Variants in ANKRD30BL observed in about 807,000 individuals in gnomAD.
The protein encoded by ANKRD30BL is ankyrin repeat domain 30B like, also known as putative ankyrin repeat domain-containing protein 30B-like.
In ANKRD30BL, 20 loss-of-function variants were observed where a neutral mutation model predicts 18.4. The ratio of observed to expected loss-of-function variants is 1.09; its 90% CI spans 0.77 to 1.58. The LOEUF (loss-of-function observed/expected upper bound fraction) is 1.58. Ranked by LOEUF, ANKRD30BL falls within the 40% of genes most tolerant of loss-of-function variation. The pLI is 0.00. For synonymous variants in ANKRD30BL, 72 were observed against 100.9 expected, an observed-to-expected ratio of 0.71 and a Z score of 1.72; for missense variants, 224 against 268.6, an observed-to-expected ratio of 0.83 and a Z score of 1.16.
At chr2:132,256,089 T>A (rs1680826547) in intron 1 of ANKRD30BL, among the ~76,000 whole-genome samples, 1 of 152,240 alleles carries the variant, frequency 6.6e-6, no homozygotes, top group Non-Finnish European at 1.5e-5. Context: ...GAACCATAAC[T>A]GATTTAATGA....
chr2:132,222,832 T>TAAAAAAAAAAAAAAAAA (rs71001178), intron 1 of ANKRD30BL, among the ~76,000 whole-genome samples: 2 of 52,806 alleles, frequency 3.8e-5, no homozygotes, highest in African/African-American at 1.0e-4. Context: ...GAATGATCAA[T>TAAAAAAAAAAAAAAAAA]AAAAAAAAAA....
intron 3 of ANKRD30BL, chr2:132,156,300 TA>T (rs777648771): frequency 1.2e-4 from 18 of 152,182 alleles, no homozygotes; most frequent in African/African-American, 2.9e-4. Context: ...AATCATCATT[TA>T]AAAAATATTC....
intron 1 of ANKRD30BL, among the ~76,000 whole-genome samples, chr2:132,240,570 T>C (rs1680288357): frequency 6.6e-6 from 1 of 151,854 alleles, no homozygotes; most frequent in Non-Finnish European, 1.5e-5. Flanking sequence ...GAACTTTTCT[T>C]TTGATAGAGC....
intron 1 of ANKRD30BL, among the ~76,000 whole-genome samples, chr2:132,208,221 A>C (rs1164337064): frequency 6.6e-6 from 1 of 152,144 alleles, no homozygotes; most frequent in Non-Finnish European, 1.5e-5. Context: ...ATCCTTCTTA[A>C]CATTTGCATT....
chr2:132,235,712 T>G (rs1573874899), intron 1 of ANKRD30BL, among the ~76,000 whole-genome samples: 1 of 152,190 alleles, frequency 6.6e-6, no homozygotes, highest in Middle Eastern at 3.4e-3. Flanking sequence ...TGGAAGAACA[T>G]TCCATGCTCA....
At chr2:132,176,468 G>A (rs1487200405) in intron 1 of ANKRD30BL, among the ~76,000 whole-genome samples, 4 of 152,040 alleles carry the variant, frequency 2.6e-5, no homozygotes, top group Non-Finnish European at 5.9e-5. Context: ...GTGGGTAGCC[G>A]GGCATGGTGG....
chr2:132,222,317 G>GCC (rs1679714489), intron 1 of ANKRD30BL, among the ~76,000 whole-genome samples: 2 of 152,076 alleles, frequency 1.3e-5, no homozygotes, highest in African/African-American at 2.4e-5. Context: ...GCCCGGCCAT[G>GCC]ACCCCGTCTG....
intron 1 of ANKRD30BL, among the ~76,000 whole-genome samples, chr2:132,246,021 A>G (rs1680489534): frequency 6.6e-6 from 1 of 151,988 alleles, no homozygotes; most frequent in East Asian, 1.9e-4. Context: ...TCCAACTCAC[A>G]GAGTTGAACC....
At chr2:132,151,882 G>T (rs1687767037) in intron 4 of ANKRD30BL, among the ~76,000 whole-genome samples, 1 of 152,068 alleles carries the variant, frequency 6.6e-6, no homozygotes, top group Non-Finnish European at 1.5e-5. Context: ...ATCTGGCTTG[G>T]ACTACTACTA....
At chr2:132,191,697 T>C (rs1463168691) in intron 1 of ANKRD30BL, among the ~76,000 whole-genome samples, 1 of 152,026 alleles carries the variant, frequency 6.6e-6, no homozygotes, top group African/African-American at 2.4e-5. Context: ...CTCTTACCCA[T>C]TTTGTTATTG....
intron 1 of ANKRD30BL, among the ~76,000 whole-genome samples, chr2:132,182,086 C>T (rs1432150612): frequency 2.0e-5 from 3 of 151,252 alleles, no homozygotes; most frequent in Non-Finnish European, 4.4e-5. Context: ...TGCACTCTAG[C>T]CTGGGCAACA....
At chr2:132,176,224 C>T (rs1286806943) in intron 1 of ANKRD30BL, among the ~76,000 whole-genome samples, 1 of 151,408 alleles carries the variant, frequency 6.6e-6, no homozygotes, top group African/African-American at 2.4e-5. Context: ...TGAAACCTCA[C>T]CTCTATTAAA....
At chr2:132,183,214 C>A (rs1369838081) in intron 1 of ANKRD30BL, among the ~76,000 whole-genome samples, 2 of 151,314 alleles carry the variant, frequency 1.3e-5, no homozygotes, top group African/African-American at 2.4e-5. Flanking sequence ...TCGTTGTGAC[C>A]TTTACCTCCC....
At chr2:132,167,739 G>C (rs1284462787) in intron 1 of ANKRD30BL, among the ~76,000 whole-genome samples, 3 of 152,064 alleles carry the variant, frequency 2.0e-5, no homozygotes, top group Non-Finnish European at 4.4e-5. Flanking sequence ...TCTTAGGATT[G>C]ATTATATGCA....
At chr2:132,178,526 G>T (rs1428900398) in intron 1 of ANKRD30BL, among the ~76,000 whole-genome samples, 3 of 152,154 alleles carry the variant, frequency 2.0e-5, no homozygotes, top group Admixed American at 1.3e-4. Flanking sequence ...GAACATGGAA[G>T]AAAATTGTGG....
At chr2:132,220,687 G>A (rs982978194) in intron 1 of ANKRD30BL, among the ~76,000 whole-genome samples, 2 of 152,170 alleles carry the variant, frequency 1.3e-5, no homozygotes, top group African/African-American at 4.8e-5. Context: ...CAAGGCTGGA[G>A]TGCAGTGGCG....
intron 1 of ANKRD30BL, among the ~76,000 whole-genome samples, chr2:132,247,128 T>C (rs1174366323): frequency 2.0e-5 from 3 of 151,630 alleles, no homozygotes; most frequent in Admixed American, 2.0e-4. Context: ...CTTTGAGGCC[T>C]ATGGTGAAAA....
chr2:132,238,173 G>T (rs904209419), intron 1 of ANKRD30BL, among the ~76,000 whole-genome samples: 1 of 152,016 alleles, frequency 6.6e-6, no homozygotes, highest in African/African-American at 2.4e-5. Flanking sequence ...AAACTTCTTT[G>T]CGATGTGCGT....
At chr2:132,194,666 C>T (rs1478183992) in intron 1 of ANKRD30BL, among the ~76,000 whole-genome samples, 4 of 152,194 alleles carry the variant, frequency 2.6e-5, no homozygotes, top group Admixed American at 2.6e-4. Flanking sequence ...AAGATTCTAC[C>T]CACCTTCTCC....
Sources: gnomAD v4.1 joint callset for allele counts (sites outside exome capture counted in the v4.1 genomes callset) on GRCh38, gnomAD v4.1.1 for gene constraint, MANE v1.5 for transcripts, NCBI Gene and HGNC (gene_info 2026-07-23, HGNC 2026-07-21) for gene names.